The following TXNDC8 variants were observed in gnomAD, a reference collection of about 807,000 sequenced individuals.
The protein encoded by TXNDC8 is thioredoxin domain-containing protein 8.
In TXNDC8, 15 loss-of-function variants were observed where a neutral mutation model predicts 12.9. The ratio of observed to expected loss-of-function variants is 1.16; its 90% confidence interval spans 0.78 to 1.79. The LOEUF is 1.79. Among genes scored for constraint, TXNDC8 ranks in the 40% most tolerant of loss-of-function variants. The pLI is 0.00. For missense variants in TXNDC8, 128 were observed against 113.2 expected (o/e 1.13, Z -0.59); for synonymous variants, 40 against 35.4 (o/e 1.13, Z -0.46).
chr9:110,309,582 C>T (rs1027328007), intron 3 of TXNDC8, among the ~76,000 whole-genome samples: 1 of 152,174 alleles, frequency 6.6e-6, no homozygotes, highest in Non-Finnish European at 1.5e-5. Context: ...GTGATCTGCG[C>T]ATCTTGACCT....
chr9:110,336,755 TAAAGAAAATAA>T (rs1335917281), intron 1 of TXNDC8, among the ~76,000 whole-genome samples: 3 of 151,962 alleles, frequency 2.0e-5, no homozygotes, highest in Admixed American at 1.3e-4. Context: ...TAATTGCTAA[TAAAGAAAATAA>T]AAAGAAAATG....
chr9:110,301,709 C>T (rs1838273851), downstream of TXNDC8, among the ~76,000 whole-genome samples: 3 of 152,284 alleles, frequency 2.0e-5, no homozygotes, highest in East Asian at 1.9e-4. Context: ...TCTGTAGCAA[C>T]ATAAAGGATG....
intron 1 of TXNDC8, among the ~76,000 whole-genome samples, chr9:110,336,106 C>G (rs1310441359): frequency 6.6e-6 from 1 of 152,242 alleles, no homozygotes; most frequent in Non-Finnish European, 1.5e-5. Context: ...GCCTTTGCCC[C>G]TCCTTCGCCT....
rs890827347 is a variant in TXNDC8 at position 110,305,739 on chromosome 9, TCTTCCCTTC to T, written c.196-1216_196-1208del. 2.0e-5 allele frequency among the ~76,000 whole-genome samples: 3 copies of T among 149,950 alleles called. No homozygotes were observed. The Admixed American group carries it at 2.0e-4, about 10-fold the overall frequency. ...TTTCTTTCTTTCTTTCCTGTTTCTT[TCTTCCCTTC>T]CTTCCCTTCCCTTCCCTTTCTTTTC... On this transcript the variant is annotated intron_variant, in intron 3 of 4. Coordinates refer to ENST00000423740, the MANE Select transcript of TXNDC8 (RefSeq NM_001286946.2).
intron 3 of TXNDC8, among the ~76,000 whole-genome samples, chr9:110,306,747 T>C (rs950261432): frequency 2.0e-5 from 3 of 152,194 alleles, no homozygotes; most frequent in African/African-American, 7.2e-5. Context: ...ATAACACTGC[T>C]TCCTGTCATC....
chr9:110,301,942 C>T (rs190815671), downstream of TXNDC8, among the ~76,000 whole-genome samples: 1 of 152,164 alleles, frequency 6.6e-6, no homozygotes, highest in Admixed American at 6.5e-5. Flanking sequence ...CTGGTTTCCT[C>T]TATAGCCCAA....
At chr9:110,305,167 A>T (rs1263195355) in intron 3 of TXNDC8, among the ~76,000 whole-genome samples, 1 of 151,746 alleles carries the variant, frequency 6.6e-6, no homozygotes, top group Non-Finnish European at 1.5e-5. Flanking sequence ...AAAAAAAAAA[A>T]AAAGGAATAT....
At chr9:110,302,289 C>T (rs1375761413), downstream of TXNDC8, among the ~76,000 whole-genome samples, 1 of 152,122 alleles carries the variant, frequency 6.6e-6, no homozygotes, top group Admixed American at 6.6e-5. Flanking sequence ...ATGCAAGCCA[C>T]CATGCCTGGC....
At chr9:110,306,065 C>T (rs1343970645) in intron 3 of TXNDC8, among the ~76,000 whole-genome samples, 1 of 152,074 alleles carries the variant, frequency 6.6e-6, no homozygotes, top group Non-Finnish European at 1.5e-5. Context: ...CGGGCTTTCA[C>T]CATGTTGGCT....
intron 2 of TXNDC8, among the ~76,000 whole-genome samples, chr9:110,332,338 C>A (rs1447728079): frequency 3.3e-5 from 5 of 152,190 alleles, no homozygotes; most frequent in African/African-American, 1.2e-4. Context: ...TTACAGGCAT[C>A]AGCCACCATG....
chr9:110,314,419 CT>C (rs1292704877), intron 3 of TXNDC8, among the ~76,000 whole-genome samples: 5 of 141,208 alleles, frequency 3.5e-5, no homozygotes, highest in Non-Finnish European at 7.8e-5. Context: ...TTCTTTTTTT[CT>C]TTTTCTTTTT....
chr9:110,319,661 A>G (rs950649661), intron 3 of TXNDC8, among the ~76,000 whole-genome samples: 1 of 152,244 alleles, frequency 6.6e-6, no homozygotes, highest in Non-Finnish European at 1.5e-5. Context: ...ACTGTGTTTT[A>G]TGAAGTTGAA....
chr9:110,310,069 C>T (rs928194000), intron 3 of TXNDC8, among the ~76,000 whole-genome samples: 2 of 152,132 alleles, frequency 1.3e-5, no homozygotes, highest in South Asian at 4.1e-4. Context: ...GGTTTTATGG[C>T]ACCTCTACTT....
intron 1 of TXNDC8, among the ~76,000 whole-genome samples, chr9:110,334,627 T>C (rs1380201069): frequency 2.0e-5 from 3 of 152,176 alleles, no homozygotes; most frequent in Non-Finnish European, 2.9e-5. Flanking sequence ...TCATGTCAAA[T>C]ATATTTCTCT....
chr9:110,305,147 CAAAAAA>C (rs769344640), intron 3 of TXNDC8, among the ~76,000 whole-genome samples: 31 of 57,124 alleles, frequency 5.4e-4, no homozygotes, highest in Non-Finnish European at 8.8e-4. Flanking sequence ...GATTCTGTCT[CAAAAAA>C]AAAAAAAAAA....
Position 110,334,363 on chromosome 9 carries a change from A to T in TXNDC8, c.25-43T>A, listed in dbSNP as rs1303213496. 4 of 1,501,024 alleles carry T rather than the reference A, an allele frequency of 2.7e-6. No homozygotes were observed. In the East Asian group the frequency reaches 9.2e-5, roughly 34 times the overall value. 93.0% of individuals were successfully genotyped at this position (1,501,024 alleles called of 1,614,324 possible). On this transcript the variant is annotated intron_variant, in intron 1 of 4. Transcript: ENST00000423740. ...ATGAGGAAATGTGCATAATCACTGA[A>T]TCTCATGACATTTTGTAGAGAAGAA... is the stretch of plus-strand genomic sequence containing the variant.
intron 3 of TXNDC8, among the ~76,000 whole-genome samples, chr9:110,310,206 T>TGTGTGTGTGTGTGTGC (rs1377384804): frequency 2.6e-5 from 4 of 151,732 alleles, no homozygotes; most frequent in African/African-American, 9.7e-5. Context: ...GTGTGGTGTG[T>TGTGTGTGTGTGTGTGC]GTGTGTGTGT....
chr9:110,324,098 GA>G, intron 3 of TXNDC8: 1 of 1,432,208 alleles, frequency 7.0e-7, no homozygotes, highest in South Asian at 1.5e-5. Context: ...GTGCCAAAAA[GA>G]AGTGTCTAAA....
Position 110,337,757 on chromosome 9 carries a change from C to A in TXNDC8, c.24+16G>T. ...TCCACATTTGAAATACTCAGTGAAG[C>A]CAAATAAATACTTGCCGTGTCTTTA... On this transcript the variant is annotated intron_variant, in intron 1 of 4. Transcript: ENST00000423740. 1.9e-6 allele frequency: 3 copies of A among 1,613,414 alleles called. No individual in the cohort carries two copies. Among genetic ancestry groups the A allele is most frequent in the Non-Finnish European group, 2.5e-6 (3 of 1,179,528 alleles).
Sources: gnomAD v4.1 joint callset for allele counts (sites outside exome capture counted in the v4.1 genomes callset) on GRCh38, gnomAD v4.1.1 for gene constraint, MANE v1.5 for transcripts, NCBI Gene and HGNC (gene_info 2026-07-23, HGNC 2026-07-21) for gene names.